NRXN1: variants seen among roughly 807,000 people sequenced by gnomAD.
NRXN1 encodes neurexin-1.
A neutral mutation model predicts 150.9 loss-of-function variants in NRXN1; 39 were observed. The observed-to-expected ratio is 0.26, with a 90% confidence interval of 0.20 to 0.34. NRXN1 has a LOEUF of 0.34. Among genes scored for constraint, NRXN1 ranks in the 10% least tolerant of loss-of-function variants. The pLI is 1.00. For synonymous variants in NRXN1, 924 were observed against 757.0 expected (o/e 1.22, Z -3.62); for missense variants, 1,815 against 1,949.9 (o/e 0.93, Z 1.30).
chr2:50,152,824 C>A (rs187653662), intron 18 of NRXN1, among the ~76,000 whole-genome samples: 4 of 151,746 alleles, frequency 2.6e-5, no homozygotes, highest in African/African-American at 4.8e-5. Flanking sequence ...TCCTACTTTA[C>A]ATGTTTTGAA....
intron 17 of NRXN1, among the ~76,000 whole-genome samples, chr2:50,420,398 T>TACAC (rs137996743): frequency 3.3e-5 from 5 of 149,444 alleles, no homozygotes; most frequent in South Asian, 2.1e-4. Context: ...TACATACATG[T>TACAC]ACACACACAC....
intron 22 of NRXN1, among the ~76,000 whole-genome samples, chr2:49,932,491 TCTTTCTC>T (rs143607460): frequency 6.6e-6 from 1 of 152,158 alleles, no homozygotes; most frequent in Non-Finnish European, 1.5e-5. Context: ...CTTTCACCTT[TCTTTCTC>T]CTTTCTCCTT....
chr2:50,346,889 C>A lies in NRXN1; in HGVS notation c.3365-109919G>T, dbSNP rs1471808766. On this transcript the variant is annotated intron_variant, in intron 17 of 22. Transcript: ENST00000401669. The surrounding 1 kb of genome is among the most constrained non-coding windows in gnomAD (Gnocchi z 5.0). Reference sequence around the variant, plus strand: ...CCCCCTGCGCCGCCGCCGCCGCCGCCGCCGCCGCCGCCCCCGGGCGAGCCC... The same window carrying A: ...CCCCCTGCGCCGCCGCCGCCGCCGCAGCCGCCGCCGCCCCCGGGCGAGCCC... 2 of 1,315,998 alleles carry A rather than the reference C, an allele frequency of 1.5e-6. No homozygotes were observed. The highest frequency in any genetic ancestry group is 3.3e-5 in the East Asian group (1 of 30,436). 81.5% of individuals were successfully genotyped at this position (1,315,998 alleles called of 1,614,324 possible).
At chr2:50,631,871 T>A (rs1682381834) in intron 5 of NRXN1, among the ~76,000 whole-genome samples, 1 of 151,908 alleles carries the variant, frequency 6.6e-6, no homozygotes, top group African/African-American at 2.4e-5. Flanking sequence ...GTACCTACAA[T>A]GTAATCTATA....
At chr2:50,543,068 G>C (rs1558910188) in intron 9 of NRXN1, among the ~76,000 whole-genome samples, 1 of 152,094 alleles carries the variant, frequency 6.6e-6, no homozygotes, top group East Asian at 1.9e-4. Context: ...TGGAAAAGGA[G>C]AATTTTCAAA....
Position 49,921,010 on chromosome 2 carries a change from A to T in NRXN1, c.*934T>A, listed in dbSNP as rs1195410510. On this transcript the variant is annotated 3_prime_UTR_variant, in exon 23 of 23. Coordinates refer to ENST00000401669, the MANE Select transcript of NRXN1 (RefSeq NM_001330078.2). ...GCAATTTATAATGGTGGCAAAAAAA[A>T]AGAAAAACCCAACTGAAATAATTGT... 6.6e-6 allele frequency: 1 copy of T among 152,570 alleles called. No individual in the cohort carries two copies. The highest frequency in any genetic ancestry group is 1.5e-5 in the Non-Finnish European group (1 of 68,032). The allele number at this position is 152,570 out of a possible 1,614,324, so 9.5% of individuals were successfully genotyped here.
At chr2:50,730,537 A>G (rs778077878) in intron 5 of NRXN1, among the ~76,000 whole-genome samples, 18 of 152,170 alleles carry the variant, frequency 1.2e-4, no homozygotes, top group Non-Finnish European at 2.1e-4. Context: ...TGCAGCCTTC[A>G]AAAAGATAAC....
chr2:50,286,959 G>A (rs1517830), intron 17 of NRXN1, among the ~76,000 whole-genome samples: 23,139 of 151,980 alleles, frequency 0.15, 2,146 homozygotes, highest in East Asian at 0.36. Flanking sequence ...ATATAGACAT[G>A]TTGATTTTGG....
intron 17 of NRXN1, among the ~76,000 whole-genome samples, chr2:50,333,453 A>G (rs76319258): frequency 0.019 from 2,845 of 152,256 alleles, 59 homozygotes; most frequent in African/African-American, 0.064. Flanking sequence ...CATCTCCCCA[A>G]TATTAGCATG....
Position 50,621,267 on chromosome 2 carries a change from G to T in NRXN1, c.1135-18C>A. The stretch of plus-strand genomic sequence containing the variant: ...CCTGAGTGCTTTGTGGAGAAGGGGG[G>T]AGAAAGGAAATTAAAAACTGTGAAC... On this transcript the variant is annotated intron_variant, in intron 6 of 22. Coordinates refer to ENST00000401669, the MANE Select transcript of NRXN1 (RefSeq NM_001330078.2). 1 of 1,558,440 alleles carries T rather than the reference G, an allele frequency of 6.4e-7. No individual in the cohort carries two copies. The highest frequency in any genetic ancestry group is 2.4e-5 in the East Asian group (1 of 42,542).
intron 5 of NRXN1, among the ~76,000 whole-genome samples, chr2:50,867,353 T>C (rs932323275): frequency 2.0e-5 from 3 of 151,616 alleles, no homozygotes; most frequent in Admixed American, 2.0e-4. Context: ...CAGAAGGAGA[T>C]TTTTACTCTC....
At chr2:50,969,370 T>G (rs971691800) in intron 2 of NRXN1, among the ~76,000 whole-genome samples, 1 of 152,182 alleles carries the variant, frequency 6.6e-6, no homozygotes, top group Non-Finnish European at 1.5e-5. Flanking sequence ...TTTTCTCATC[T>G]TTGTATCTCA....
chr2:50,187,033 T>C (rs17447848), intron 18 of NRXN1, among the ~76,000 whole-genome samples: 8,766 of 152,050 alleles, frequency 0.058, 300 homozygotes, highest in Middle Eastern at 0.11. Flanking sequence ...TAGAGGTAAG[T>C]AAGGTCCACT....
At chr2:50,190,282 A>T (rs550410569) in intron 18 of NRXN1, among the ~76,000 whole-genome samples, 1 of 152,252 alleles carries the variant, frequency 6.6e-6, no homozygotes, top group South Asian at 2.1e-4. Context: ...TTTTTTTCTT[A>T]AAGTGGAGGT....
chr2:50,090,454 G>C (rs886787716), intron 19 of NRXN1, among the ~76,000 whole-genome samples: 3 of 151,870 alleles, frequency 2.0e-5, no homozygotes, highest in African/African-American at 4.8e-5. Context: ...TATCTAAAAG[G>C]GGAAGAGAGA....
chr2:50,693,867 T>C (rs192685422), intron 5 of NRXN1, among the ~76,000 whole-genome samples: 45 of 152,308 alleles, frequency 3.0e-4, no homozygotes, highest in Admixed American at 2.2e-3. Context: ...CCGTAGCTTA[T>C]TGCAGCCTGA....
At chr2:49,927,340 T>C (rs949877872) in intron 22 of NRXN1, among the ~76,000 whole-genome samples, 3 of 152,232 alleles carry the variant, frequency 2.0e-5, no homozygotes, top group African/African-American at 7.2e-5. Flanking sequence ...TAAAAGACTT[T>C]TGTGATGCAT....
At chr2:50,482,588 C>T (rs1203395063) in intron 15 of NRXN1, among the ~76,000 whole-genome samples, 2 of 152,110 alleles carry the variant, frequency 1.3e-5, no homozygotes, top group Non-Finnish European at 2.9e-5. Context: ...CTGTACCTTA[C>T]ACATGCATAA....
At chr2:50,382,700 G>A (rs1274129848) in intron 17 of NRXN1, among the ~76,000 whole-genome samples, 3 of 152,176 alleles carry the variant, frequency 2.0e-5, no homozygotes, top group Admixed American at 6.5e-5. Context: ...AGCTGTATAC[G>A]TATCATCTGA....
Sources: allele counts gnomAD v4.1 joint callset (sites outside exome capture counted in the v4.1 genomes callset), GRCh38; gene constraint gnomAD v4.1.1; non-coding constraint Gnocchi (gnomAD v3.1); transcripts MANE v1.5; gene names NCBI Gene and HGNC (gene_info 2026-07-23, HGNC 2026-07-21).